The following ITSN1 variants were observed in gnomAD, a reference collection of about 807,000 sequenced individuals.
ITSN1 encodes intersectin 1, also known as intersectin-1.
In ITSN1, 58 loss-of-function variants were observed where a neutral mutation model predicts 239.8. The observed-to-expected ratio is 0.24, with a 90% confidence interval of 0.20 to 0.30. The LOEUF (loss-of-function observed/expected upper bound fraction) is 0.30. Among genes scored for constraint, ITSN1 ranks in the 10% least tolerant of loss-of-function variants. ITSN1 has a pLI of 1.00. For synonymous variants in ITSN1, 780 were observed against 770.8 expected (o/e 1.01, Z -0.20); for missense variants, 1,558 against 2,103.3 (o/e 0.74, Z 5.07).
chr21:33,865,305 G>A lies in ITSN1; in HGVS notation c.4045G>A (p.Glu1349Lys), dbSNP rs1447947972. The stretch of plus-strand genomic sequence containing the variant: ...TGCCCTGATCCAGCAGAAGACGGAT[G>A]AGGCCCCAGACTTCAAGGAGTTCGT... Reference protein sequence around the residue: ...GAALIQQKTDEAPDFKEFVKR... With the variant: ...GAALIQQKTDKAPDFKEFVKR... The change falls in exon 32 of 40, where the codon GAG becomes AAG. Residue 1349 changes from glutamate (E) to lysine (K), a missense_variant. Around this residue, in one of 2 missense-constraint regions of ITSN1, gnomAD observed 576 missense variants for 893.3 expected, o/e 0.64. Transcript: ENST00000381318. This position sits in a 1 kb window ranked among gnomAD's most constrained non-coding sequence, Gnocchi z 4.4. The A allele has an allele frequency of 2.5e-6, 4 of 1,576,682 alleles. No homozygotes were observed. Among genetic ancestry groups the A allele is most frequent in the East Asian group, 4.6e-5 (2 of 43,328 alleles).
chr21:33,664,750 A>T (rs1263180979), intron 1 of ITSN1, among the ~76,000 whole-genome samples: 2 of 152,228 alleles, frequency 1.3e-5, no homozygotes, highest in African/African-American at 4.8e-5. Context: ...GATTGTTATT[A>T]TTCTTATCAC....
At chr21:33,666,951 G>T in intron 1 of ITSN1, among the ~76,000 whole-genome samples, 1 of 152,098 alleles carries the variant, frequency 6.6e-6, no homozygotes, top group South Asian at 2.1e-4. Context: ...GGGAGGCATT[G>T]TTTTACATTT....
intron 1 of ITSN1, among the ~76,000 whole-genome samples, chr21:33,670,388 C>T (rs912328723): frequency 8.5e-5 from 13 of 152,076 alleles, no homozygotes; most frequent in African/African-American, 3.1e-4. Context: ...TGAGAAATTA[C>T]TTATTCCCTA....
chr21:33,685,551 T>C (rs1036181799), intron 1 of ITSN1, among the ~76,000 whole-genome samples: 1 of 151,234 alleles, frequency 6.6e-6, no homozygotes. Context: ...TAAAAACACA[T>C]TTAAAACACT....
chr21:33,700,618 T>G (rs1256675570), intron 1 of ITSN1, among the ~76,000 whole-genome samples: 5 of 152,178 alleles, frequency 3.3e-5, no homozygotes, highest in Non-Finnish European at 7.3e-5. Context: ...CAACAGTAGG[T>G]TCTTAATTAC....
At chr21:33,652,498 A>G (rs2088628657) in intron 1 of ITSN1, among the ~76,000 whole-genome samples, 1 of 152,136 alleles carries the variant, frequency 6.6e-6, no homozygotes, top group Non-Finnish European at 1.5e-5. Flanking sequence ...ATATGTAATC[A>G]GTCACTTATT....
chr21:33,881,596 T>G (rs1413373582), intron 34 of ITSN1, among the ~76,000 whole-genome samples: 1 of 151,960 alleles, frequency 6.6e-6, no homozygotes, highest in African/African-American at 2.4e-5. Flanking sequence ...TGGAGCTGTT[T>G]CATGCACAGA....
chr21:33,887,572 G>T (rs1985986614), intron 39 of ITSN1, among the ~76,000 whole-genome samples: 1 of 151,682 alleles, frequency 6.6e-6, no homozygotes, highest in South Asian at 2.1e-4. Context: ...TATGTGTACT[G>T]TCAACTTCTA....
intron 17 of ITSN1, among the ~76,000 whole-genome samples, chr21:33,796,145 G>A (rs938671682): frequency 6.6e-6 from 1 of 151,912 alleles, no homozygotes; most frequent in Non-Finnish European, 1.5e-5. Context: ...TATATTATTA[G>A]TAGAGATGGG....
At chr21:33,809,850 A>G (rs951268630) in intron 20 of ITSN1, among the ~76,000 whole-genome samples, 3 of 152,060 alleles carry the variant, frequency 2.0e-5, no homozygotes, top group African/African-American at 4.8e-5. Context: ...CTGGAGTGCA[A>G]TGGCATCATC....
Position 33,694,487 on chromosome 21 carries a change from T to C in ITSN1, c.-32-24310T>C, listed in dbSNP as rs758815777. ...TGGCAGATTTGCAGGAGTTTTGTTA[T>C]TGGGTAAAATGGAAAGAACATTTTT... On this transcript the variant is annotated intron_variant, in intron 1 of 39. Coordinates refer to ENST00000381318, the MANE Select transcript of ITSN1 (RefSeq NM_003024.3). Among the ~76,000 whole-genome samples, 4 of 152,236 alleles carry C rather than the reference T, an allele frequency of 2.6e-5. No individual in the cohort carries two copies. The East Asian group carries it at 7.7e-4, about 29-fold the overall frequency.
intron 29 of ITSN1, among the ~76,000 whole-genome samples, chr21:33,851,778 C>CTTTTTTTTTTTTTTTTTTTTTT (rs35567402): frequency 1.5e-5 from 1 of 66,206 alleles, no homozygotes; most frequent in Non-Finnish European, 2.6e-5. Flanking sequence ...CTTTTCTTTC[C>CTTTTTTTTTTTTTTTTTTTTTT]TTTTTTTTTT....
At chr21:33,734,510 C>A (rs1159460156) in intron 4 of ITSN1, among the ~76,000 whole-genome samples, 2 of 152,138 alleles carry the variant, frequency 1.3e-5, no homozygotes, top group Admixed American at 1.3e-4. Context: ...CCTAGCATAG[C>A]ATAAGTAGGT....
intron 1 of ITSN1, among the ~76,000 whole-genome samples, chr21:33,688,826 G>A (rs1181674121): frequency 1.3e-5 from 2 of 149,332 alleles, no homozygotes; most frequent in Non-Finnish European, 3.0e-5. Context: ...TTTTTTTTGA[G>A]ATGGAGTTTC....
chr21:33,696,579 G>T (rs1004221777), intron 1 of ITSN1, among the ~76,000 whole-genome samples: 2 of 152,140 alleles, frequency 1.3e-5, no homozygotes, highest in Non-Finnish European at 2.9e-5. Flanking sequence ...CTGGCTCATG[G>T]TTTTTTATAC....
chr21:33,744,978 A>G (rs757842373), intron 5 of ITSN1, among the ~76,000 whole-genome samples: 9 of 152,244 alleles, frequency 5.9e-5, no homozygotes, highest in Non-Finnish European at 8.8e-5. Context: ...GCCAACTAGT[A>G]TATCCTCATT....
chr21:33,645,325 A>C (rs956108910), intron 1 of ITSN1, among the ~76,000 whole-genome samples: 1 of 152,130 alleles, frequency 6.6e-6, no homozygotes, highest in Non-Finnish European at 1.5e-5. Context: ...GATCACTTAC[A>C]TCAGCATTAA....
intron 20 of ITSN1, among the ~76,000 whole-genome samples, chr21:33,807,598 A>G (rs541852417): frequency 6.6e-6 from 1 of 151,836 alleles, no homozygotes; most frequent in South Asian, 2.1e-4. Flanking sequence ...TGCTGGGATT[A>G]CAGGAGTGAG....
At chr21:33,726,714 G>C (rs2065855493) in intron 4 of ITSN1, among the ~76,000 whole-genome samples, 1 of 151,986 alleles carries the variant, frequency 6.6e-6, no homozygotes, top group African/African-American at 2.4e-5. Context: ...TAGAGATGGG[G>C]TTTTGTCATG....
Sources: gnomAD v4.1 joint callset for allele counts (sites outside exome capture counted in the v4.1 genomes callset) on GRCh38, gnomAD v4.1.1 for gene constraint, gnomAD v4.1.1 regional missense constraint, Gnocchi (gnomAD v3.1) non-coding constraint, MANE v1.5 for transcripts, NCBI Gene and HGNC (gene_info 2026-07-23, HGNC 2026-07-21) for gene names.